PLCXD2: variants seen among roughly 807,000 people sequenced by gnomAD.
PLCXD2 encodes phosphatidylinositol specific phospholipase C X domain containing 2, also known as PI-PLC X domain-containing protein 2.
In PLCXD2, 21 loss-of-function variants were observed where a neutral mutation model predicts 28.6. The ratio of observed to expected loss-of-function variants is 0.73; its 90% CI spans 0.52 to 1.06. The LOEUF (loss-of-function observed/expected upper bound fraction) is 1.06, where lower values mean the gene tolerates loss of function less well. Among genes scored for constraint, PLCXD2 ranks in the 50% least tolerant of loss-of-function variants. The probability of loss-of-function intolerance (pLI) is 0.00; values close to 1 mark genes in which losing one functional copy is unlikely to be tolerated. For missense variants in PLCXD2, 369 were observed against 376.7 expected (o/e 0.98, Z 0.17); for synonymous variants, 140 against 150.1 (o/e 0.93, Z 0.49).
chr3:111,698,231 T>G (rs921298250), intron 1 of PLCXD2, among the ~76,000 whole-genome samples: 34 of 152,346 alleles, frequency 2.2e-4, no homozygotes, highest in Middle Eastern at 3.4e-3. Flanking sequence ...CTGAGTTAAC[T>G]CATTTAGTCT....
At chr3:111,682,783 C>T (rs1032167019) in intron 1 of PLCXD2, among the ~76,000 whole-genome samples, 7 of 152,134 alleles carry the variant, frequency 4.6e-5, no homozygotes, top group Admixed American at 1.3e-4. Context: ...TCCCCAGGTT[C>T]GAGTTTAGGT....
At chr3:111,682,964 A>G (rs1231298320) in intron 1 of PLCXD2, among the ~76,000 whole-genome samples, 1 of 152,208 alleles carries the variant, frequency 6.6e-6, no homozygotes, top group East Asian at 1.9e-4. Context: ...TCATTAACTC[A>G]AAAGGTAGTT....
chr3:111,681,666 A>G (rs1940717012), intron 1 of PLCXD2, among the ~76,000 whole-genome samples: 1 of 152,160 alleles, frequency 6.6e-6, no homozygotes, highest in African/African-American at 2.4e-5. Flanking sequence ...CCAAATCTCA[A>G]TACATGCTAT....
Position 111,708,394 on chromosome 3 carries a change from G to T in PLCXD2, c.624+8G>T, listed in dbSNP as rs1261275353. 1 of 1,608,812 alleles carries T rather than the reference G, an allele frequency of 6.2e-7. No homozygotes were observed. ...TGGGAGAAGAACTGCCAGGTAGGAG[G>T]GAAGGAGAGATAAGCTTCCAAGAGC... On this transcript the variant is annotated splice_region_variant and intron_variant, in intron 2 of 4. Coordinates refer to ENST00000477665, the MANE Select transcript of PLCXD2 (RefSeq NM_001185106.1).
At chr3:111,684,692 C>T (rs1474048860) in intron 1 of PLCXD2, among the ~76,000 whole-genome samples, 1 of 151,352 alleles carries the variant, frequency 6.6e-6, no homozygotes, top group Non-Finnish European at 1.5e-5. Flanking sequence ...TTTACCTGAA[C>T]AGGAGTGGGA....
chr3:111,684,422 G>T (rs1004428025), intron 1 of PLCXD2, among the ~76,000 whole-genome samples: 1 of 151,202 alleles, frequency 6.6e-6, no homozygotes, highest in Admixed American at 6.6e-5. Context: ...GGAAAGCCGA[G>T]GCTGGTGGAT....
In PLCXD2 at chr3:111,675,168, C is replaced by T. The variant is rs1940600762; in HGVS notation, c.-78C>T. 1 of 1,521,076 alleles carries T rather than the reference C, an allele frequency of 6.6e-7. No individual in the cohort carries two copies. Among genetic ancestry groups the T allele is most frequent in the East Asian group, 2.3e-5 (1 of 43,594 alleles). The allele number at this position is 1,521,076 out of a possible 1,614,324, so 94.2% of individuals were successfully genotyped here. A position where few individuals can be genotyped will look rare whatever the true frequency, so the allele number is the denominator to read the frequency against. On this transcript the variant is annotated 5_prime_UTR_variant, in exon 1 of 5. In the 5' UTR this introduces an upstream ATG that the reference lacks. Transcript: ENST00000477665. ...TGGCGTGGCAAGCGTCGCCCTGAAA[C>T]GTCCACAGAGCCCAAGAAGTGATGA...
intron 3 of PLCXD2, among the ~76,000 whole-genome samples, chr3:111,719,225 G>GA (rs965313969): frequency 1.9e-4 from 29 of 151,738 alleles, no homozygotes; most frequent in African/African-American, 5.8e-4. Flanking sequence ...AGCCATAAAA[G>GA]AAAAAAAATG....
At position 111,707,908 on chromosome 3, in the gene PLCXD2, C is replaced by T. The variant is rs1576461440; in HGVS notation, c.164-18C>T. 1 of 1,596,898 alleles carries T rather than the reference C, an allele frequency of 6.3e-7. No individual in the cohort carries two copies. The highest frequency in any genetic ancestry group is 2.2e-5 in the East Asian group (1 of 44,644). ...CTCCCGTCTCATCTGCTTTCCTCAC[C>T]TGTATTCCTTTGTACAGGCTCACAT... On this transcript the variant is annotated intron_variant, in intron 1 of 4. Coordinates refer to ENST00000477665, the MANE Select transcript of PLCXD2 (RefSeq NM_001185106.1).
intron 1 of PLCXD2, among the ~76,000 whole-genome samples, chr3:111,704,922 C>A (rs530847313): frequency 2.2e-4 from 33 of 152,012 alleles, no homozygotes; most frequent in African/African-American, 7.2e-4. Context: ...AAGTAATGCT[C>A]ACGCCTCAGC....
chr3:111,703,138 A>G (rs899821925), intron 1 of PLCXD2, among the ~76,000 whole-genome samples: 1 of 152,212 alleles, frequency 6.6e-6, no homozygotes, highest in African/African-American at 2.4e-5. Flanking sequence ...ATAGGCCTAT[A>G]TAGGGCAAGT....
chr3:111,691,401 G>C (rs868505730), intron 1 of PLCXD2: 1 of 152,192 alleles, frequency 6.6e-6, no homozygotes, highest in Non-Finnish European at 1.5e-5. Context: ...TGGAAGCCCA[G>C]GTTCACAGAA....
intron 3 of PLCXD2, chr3:111,725,094 C>T (rs932304940): frequency 5.9e-5 from 9 of 152,172 alleles, no homozygotes; most frequent in Admixed American, 5.9e-4. Context: ...AGGAATGGCA[C>T]CTTTGATGAT....
intron 1 of PLCXD2, among the ~76,000 whole-genome samples, chr3:111,683,240 C>G (rs945008524): frequency 6.6e-6 from 1 of 152,136 alleles, no homozygotes. Context: ...AGCCAGGTGT[C>G]CCAGTGCAGA....
chr3:111,712,615 C>T (rs1240419706), intron 2 of PLCXD2, among the ~76,000 whole-genome samples: 1 of 152,190 alleles, frequency 6.6e-6, no homozygotes, highest in Admixed American at 6.5e-5. Context: ...TGCTCCCCAG[C>T]TCTGGGCCTT....
At position 111,708,144 on chromosome 3, in the gene PLCXD2, A is replaced by T; in HGVS notation, c.382A>T (p.Ile128Phe). 1 of 1,614,148 alleles carries T rather than the reference A, an allele frequency of 6.2e-7. No homozygotes were observed. The highest frequency in any genetic ancestry group is 8.5e-7 in the Non-Finnish European group (1 of 1,180,038). The change falls in exon 2 of 5, where the codon ATC becomes TTC. Residue 128 changes from isoleucine (I) to phenylalanine (F), a missense_variant. By Grantham distance (21) the Ile-to-Phe change is conservative (BLOSUM62 0). Coordinates refer to ENST00000477665, the MANE Select transcript of PLCXD2 (RefSeq NM_001185106.1). ...CAAACCAGGGGATGCCGACCAGGAG[A>T]TCTACTTCATCCATGGGCTTTTTGG... is the stretch of plus-strand genomic sequence containing the variant.
Position 111,713,814 on chromosome 3 carries a change from C to A in PLCXD2, c.625-73C>A, listed in dbSNP as rs1200564083. The A allele has an allele frequency of 9.4e-6, 14 of 1,489,386 alleles. 1 individual carries two copies. Among genetic ancestry groups the A allele is most frequent in the South Asian group, 3.9e-5 (3 of 77,584 alleles). 92.3% of individuals were successfully genotyped at this position (1,489,386 alleles called of 1,614,324 possible). On this transcript the variant is annotated intron_variant, in intron 2 of 4. Transcript: ENST00000477665. Reference sequence around the variant, plus strand: ...ATTTTCTTGCCTTTTTCCTAGCAGTCCGTATAAAACGGAGGAGTTAACATT... The same window carrying A: ...ATTTTCTTGCCTTTTTCCTAGCAGTACGTATAAAACGGAGGAGTTAACATT...
At chr3:111,695,560 T>C (rs1372116976) in intron 1 of PLCXD2, among the ~76,000 whole-genome samples, 1 of 152,252 alleles carries the variant, frequency 6.6e-6, no homozygotes, top group Admixed American at 6.5e-5. Flanking sequence ...TGCTTGGCCA[T>C]GCTTATGTCT....
At chr3:111,703,128 A>G (rs2107857893) in intron 1 of PLCXD2, among the ~76,000 whole-genome samples, 1 of 152,334 alleles carries the variant, frequency 6.6e-6, no homozygotes, top group East Asian at 1.9e-4. Context: ...TTTGACTGCT[A>G]TAGGCCTATA....
Sources: allele counts gnomAD v4.1 joint callset (sites outside exome capture counted in the v4.1 genomes callset), GRCh38; gene constraint gnomAD v4.1.1; transcripts MANE v1.5; gene names NCBI Gene and HGNC (gene_info 2026-07-23, HGNC 2026-07-21).